The following MGST1 variants were observed in gnomAD, a reference collection of about 807,000 sequenced individuals.
The protein encoded by MGST1 is glutathione S-transferase 12.
Under a neutral mutation model 8.9 loss-of-function variants are expected in MGST1, and 5 were observed. The ratio of observed to expected loss-of-function variants is 0.56; its 90% CI spans 0.29 to 1.19. MGST1 has a LOEUF of 1.19. MGST1 is among the 50% of genes most tolerant of loss of function. The pLI is 0.08. For synonymous variants in MGST1, 54 were observed against 67.8 expected (o/e 0.80, Z 1.00); for missense variants, 182 against 187.4 (o/e 0.97, Z 0.17).
intron 1 of MGST1, among the ~76,000 whole-genome samples, chr12:16,405,200 T>G (rs772795773): frequency 6.6e-6 from 1 of 151,862 alleles, no homozygotes; most frequent in Non-Finnish European, 1.5e-5. Flanking sequence ...AAAGAGATTG[T>G]GACATACACA....
At chr12:16,505,857 G>GA (rs2137173273) in intron 4 of MGST1, among the ~76,000 whole-genome samples, 1 of 152,274 alleles carries the variant, frequency 6.6e-6, no homozygotes, top group African/African-American at 2.4e-5. Context: ...ATAAATCAGT[G>GA]AAAAAATGAC....
intron 4 of MGST1, among the ~76,000 whole-genome samples, chr12:16,562,970 G>A (rs1057449675): frequency 6.6e-6 from 1 of 152,134 alleles, no homozygotes; most frequent in Non-Finnish European, 1.5e-5. Context: ...ATCATTAAAG[G>A]ACTCTTGAAG....
intron 4 of MGST1, among the ~76,000 whole-genome samples, chr12:16,529,775 A>C (rs929667120): frequency 6.6e-6 from 1 of 152,154 alleles, no homozygotes; most frequent in Non-Finnish European, 1.5e-5. Flanking sequence ...ATTTATGCTT[A>C]TGGAATAAGT....
intron 4 of MGST1, among the ~76,000 whole-genome samples, chr12:16,504,089 A>G (rs1289299020): frequency 2.0e-5 from 3 of 152,160 alleles, no homozygotes; most frequent in Admixed American, 6.5e-5. Flanking sequence ...CTGTGTCACT[A>G]TCAGTCTAAG....
chr12:16,565,786 G>C (rs531212525), intron 4 of MGST1, among the ~76,000 whole-genome samples: 4 of 151,016 alleles, frequency 2.6e-5, no homozygotes, highest in Admixed American at 6.6e-5. Flanking sequence ...CAGTATGGAG[G>C]TTCCTCAAAA....
chr12:16,525,428 A>G (rs1941679392), intron 4 of MGST1, among the ~76,000 whole-genome samples: 1 of 151,718 alleles, frequency 6.6e-6, no homozygotes, highest in Non-Finnish European at 1.5e-5. Context: ...TTTACTGAGA[A>G]TGATGTTTTC....
rs1943369477 is a variant in MGST1 at position 16,587,849 on chromosome 12, G to A, written n.483-1679G>A. Among the ~76,000 whole-genome samples, 2 of 152,054 alleles carry A rather than the reference G, an allele frequency of 1.3e-5. No homozygotes were observed. The stretch of plus-strand genomic sequence containing the variant: ...GAGAGGAACCTTGTCTCATATTAAT[G>A]CTGCCAGTAGCTATGGTATAGTGTT... On this transcript the variant is annotated intron_variant and non_coding_transcript_variant, in intron 4 of 4. Coordinates refer to the MGST1 transcript ENST00000538857. This position sits in a 1 kb window ranked among gnomAD's most constrained non-coding sequence, Gnocchi z 4.3.
Position 16,364,117 on chromosome 12 carries a change from A to G in MGST1, c.*76A>G. 6.7e-7 allele frequency: 1 copy of G among 1,496,648 alleles called. No homozygotes were observed. Among genetic ancestry groups the G allele is most frequent in the Non-Finnish European group, 8.9e-7 (1 of 1,121,998 alleles). The allele number at this position is 1,496,648 out of a possible 1,614,324, so 92.7% of individuals were successfully genotyped here. On this transcript the variant is annotated 3_prime_UTR_variant, in exon 4 of 4. Transcript: ENST00000396210. This position sits in a 1 kb window ranked among gnomAD's most constrained non-coding sequence, Gnocchi z 5.7. ...TCCAATTTATAATGAATACTTTCTT[A>G]GATTTTAGGTAGGAGGGGAGCAGAG...
intron 4 of MGST1, among the ~76,000 whole-genome samples, chr12:16,511,093 A>G (rs1174535505): frequency 1.3e-5 from 2 of 152,262 alleles, no homozygotes; most frequent in East Asian, 1.9e-4. Flanking sequence ...GTTTATATTC[A>G]AAGTTAATAT....
chr12:16,440,731 A>C (rs567781825), downstream of MGST1, among the ~76,000 whole-genome samples: 6 of 151,900 alleles, frequency 3.9e-5, no homozygotes, highest in South Asian at 1.2e-3. Flanking sequence ...TTGTTTGTGG[A>C]CTTTATATTA....
intron 4 of MGST1, among the ~76,000 whole-genome samples, chr12:16,466,116 C>G (rs1041325129): frequency 5.3e-5 from 8 of 152,160 alleles, no homozygotes; most frequent in African/African-American, 1.9e-4. Context: ...GAAAATTAAT[C>G]TGTGTAATAA....
chr12:16,492,729 G>A (rs1047023925), intron 4 of MGST1, among the ~76,000 whole-genome samples: 3 of 152,054 alleles, frequency 2.0e-5, no homozygotes, highest in Non-Finnish European at 4.4e-5. Flanking sequence ...AAGGTAATTT[G>A]AACTTTATAT....
chr12:16,550,134 C>T (rs908277221), intron 4 of MGST1: 8 of 152,012 alleles, frequency 5.3e-5, no homozygotes, highest in African/African-American at 1.9e-4. Flanking sequence ...TCAAAAGTAA[C>T]CTCACTACTC....
intron 3 of MGST1, among the ~76,000 whole-genome samples, chr12:16,360,111 C>T (rs1181051585): frequency 1.3e-5 from 2 of 152,144 alleles, no homozygotes; most frequent in African/African-American, 4.8e-5. Context: ...TTTCCGCATA[C>T]TGAGAGAAGA....
At chr12:16,400,999 TCTTCA>T in intron 1 of MGST1, 4 of 1,519,370 alleles carry the variant, frequency 2.6e-6, no homozygotes, top group African/African-American at 1.4e-5. Flanking sequence ...TTTGATGTGC[TCTTCA>T]CTTCTCTTCT....
At chr12:16,400,221 C>T (rs953465022) in intron 1 of MGST1, 14 of 879,410 alleles carry the variant, frequency 1.6e-5, no homozygotes, top group Non-Finnish European at 2.5e-5. Context: ...ACTGCACATC[C>T]ATGTGCCACT....
chr12:16,421,695 A>G (rs1940837242), intron 1 of MGST1, among the ~76,000 whole-genome samples: 1 of 152,088 alleles, frequency 6.6e-6, no homozygotes, highest in African/African-American at 2.4e-5. Flanking sequence ...ATTCACTTTT[A>G]TATTTTCCTT....
intron 4 of MGST1, among the ~76,000 whole-genome samples, chr12:16,536,577 C>G (rs1185424856): frequency 6.6e-6 from 1 of 152,180 alleles, no homozygotes; most frequent in Non-Finnish European, 1.5e-5. Context: ...CATTTTCATG[C>G]TGCTGATAAC....
intron 4 of MGST1, among the ~76,000 whole-genome samples, chr12:16,525,851 TG>T (rs1275626220): frequency 9.9e-5 from 15 of 151,346 alleles, no homozygotes; most frequent in African/African-American, 3.4e-4. Flanking sequence ...TGGTGTGAGA[TG>T]GTATCTCATT....
Sources: gnomAD v4.1 joint callset for allele counts (sites outside exome capture counted in the v4.1 genomes callset) on GRCh38, gnomAD v4.1.1 for gene constraint, Gnocchi (gnomAD v3.1) non-coding constraint, MANE v1.5 for transcripts, NCBI Gene and HGNC (gene_info 2026-07-23, HGNC 2026-07-21) for gene names.